Variants in MCPH1 observed in about 807,000 individuals in gnomAD.
MCPH1 encodes microcephalin.
In MCPH1, 104 loss-of-function variants were observed where a neutral mutation model predicts 84.5. The ratio of observed to expected loss-of-function variants is 1.23; its 90% CI spans 1.05 to 1.45. The LOEUF is 1.45. Ranked by LOEUF, MCPH1 falls within the 40% of genes most tolerant of loss-of-function variation. MCPH1 has a pLI of 0.00. For synonymous variants in MCPH1, 514 were observed against 366.8 expected (o/e 1.40, Z -4.58); for missense variants, 1,498 against 1,005.7 (o/e 1.49, Z -6.62).
At chr8:6,439,208 T>A in intron 6 of MCPH1, 112 bp downstream of exon 6, 1 of 1,090,006 alleles carries the variant, frequency 9.2e-7, no homozygotes, top group Admixed American at 2.4e-5. Flanking sequence ...AGTAACACAT[T>A]TTGACTTATT....
chr8:6,500,828 T>C (rs1265345523), intron 12 of MCPH1: 2 of 152,198 alleles, frequency 1.3e-5, no homozygotes, highest in African/African-American at 2.4e-5. Flanking sequence ...AGAGATTATA[T>C]ATGATGCACA....
chr8:6,505,339 A>AATATATAT (rs1168944488), intron 12 of MCPH1, among the ~76,000 whole-genome samples: 2 of 51,348 alleles, frequency 3.9e-5, no homozygotes, highest in East Asian at 8.6e-4. Flanking sequence ...ATATAGAAAG[A>AATATATAT]ATATATATAT....
chr8:6,462,092 A>T (rs1336894738), intron 9 of MCPH1, among the ~76,000 whole-genome samples: 2 of 152,250 alleles, frequency 1.3e-5, no homozygotes, highest in Admixed American at 1.3e-4. Flanking sequence ...AAATGTTTAC[A>T]GAGGCTTTCC....
chr8:6,441,099 C>A (rs972315856), intron 6 of MCPH1, among the ~76,000 whole-genome samples: 1 of 152,054 alleles, frequency 6.6e-6, no homozygotes, highest in African/African-American at 2.4e-5. Context: ...ATATGGCCAC[C>A]CCTTTTGCAA....
chr8:6,466,129 A>ATTTTTTTTTTTTTTTTTTTTTT lies in MCPH1; in HGVS notation c.1935+10879_1935+10900dup, dbSNP rs751729134. Among the ~76,000 whole-genome samples, 2 of 19,786 alleles carry ATTTTTTTTTTTTTTTTTTTTTT rather than the reference A, an allele frequency of 1.0e-4. 1 individual carries two copies. 13.0% of individuals were successfully genotyped at this position (19,786 alleles called of 152,430 possible). A position where few individuals can be genotyped will look rare whatever the true frequency, so the allele number is the denominator to read the frequency against. ...GCCACTACACCTGGCTAATTTTTGGATTTTTTTTTTTTTTTTTTTTTTTCC... is the reference window on the plus strand; with the variant it reads ...GCCACTACACCTGGCTAATTTTTGGATTTTTTTTTTTTTTTTTTTTTTTTTTTTTTTTTTTTTTTTTTTTTCC... On this transcript the variant is annotated intron_variant, in intron 9 of 13. Transcript: ENST00000344683.
At chr8:6,585,766 C>A (rs1003900273) in intron 12 of MCPH1, among the ~76,000 whole-genome samples, 3 of 152,178 alleles carry the variant, frequency 2.0e-5, no homozygotes, top group African/African-American at 7.2e-5. Flanking sequence ...GGCTGAGCAA[C>A]TTGGCCTGTA....
intron 13 of MCPH1, among the ~76,000 whole-genome samples, chr8:6,634,489 A>C (rs1451084185): frequency 2.1e-5 from 3 of 141,222 alleles, no homozygotes; most frequent in Non-Finnish European, 4.9e-5. Flanking sequence ...CAAGGACAGA[A>C]TGACTGTGCA....
At chr8:6,485,132 C>G (rs541404792) in intron 11 of MCPH1, among the ~76,000 whole-genome samples, 25 of 151,218 alleles carry the variant, frequency 1.7e-4, no homozygotes, top group Non-Finnish European at 2.7e-4. Context: ...CAAGACCAGC[C>G]TGGCCAAGAT....
chr8:6,614,261 G>T (rs930677728), intron 12 of MCPH1, among the ~76,000 whole-genome samples: 1 of 152,192 alleles, frequency 6.6e-6, no homozygotes, highest in Non-Finnish European at 1.5e-5. Flanking sequence ...AAGCTTGGCC[G>T]CTCGGACAGG....
chr8:6,625,771 A>G (rs1199845872), intron 13 of MCPH1: 1 of 982,030 alleles, frequency 1.0e-6, no homozygotes, highest in Non-Finnish European at 1.2e-6. Flanking sequence ...GCAACAGAGC[A>G]AGACCCCATC....
chr8:6,465,907 A>G (rs1442145177), intron 9 of MCPH1, among the ~76,000 whole-genome samples: 1 of 144,418 alleles, frequency 6.9e-6, no homozygotes, highest in Non-Finnish European at 1.5e-5. Flanking sequence ...ATTATTTCCT[A>G]CTCAATTTTA....
chr8:6,537,905 A>G (rs1202037350), intron 12 of MCPH1, among the ~76,000 whole-genome samples: 1 of 152,188 alleles, frequency 6.6e-6, no homozygotes, highest in African/African-American at 2.4e-5. Flanking sequence ...ATAAAATTCA[A>G]GGTCCTTAGA....
At chr8:6,530,482 C>G (rs1048680342) in intron 12 of MCPH1, among the ~76,000 whole-genome samples, 2 of 142,954 alleles carry the variant, frequency 1.4e-5, no homozygotes. Flanking sequence ...GCACTCCAAC[C>G]TGGGCAATGC....
intron 12 of MCPH1, among the ~76,000 whole-genome samples, chr8:6,576,727 TA>T (rs1827153510): frequency 9.2e-6 from 1 of 108,318 alleles, no homozygotes; most frequent in Non-Finnish European, 1.8e-5. Flanking sequence ...TTTTTTTTTT[TA>T]GTAGAGATGG....
chr8:6,604,735 C>T (rs1563177832), intron 12 of MCPH1, among the ~76,000 whole-genome samples: 1 of 152,236 alleles, frequency 6.6e-6, no homozygotes, highest in Admixed American at 6.5e-5. Flanking sequence ...GAATTCCTGA[C>T]CTCAGGGGAT....
chr8:6,583,437 A>G (rs191861425), intron 12 of MCPH1, among the ~76,000 whole-genome samples: 1 of 152,244 alleles, frequency 6.6e-6, no homozygotes, highest in Non-Finnish European at 1.5e-5. Flanking sequence ...AATGCAGAAT[A>G]AAACCGACAA....
At chr8:6,564,969 A>G in intron 12 of MCPH1, among the ~76,000 whole-genome samples, 1 of 152,178 alleles carries the variant, frequency 6.6e-6, no homozygotes, top group East Asian at 1.9e-4. Context: ...GAAGGATCTC[A>G]TTAGTAGAAG....
chr8:6,595,735 C>A (rs1828876329), intron 12 of MCPH1, among the ~76,000 whole-genome samples: 1 of 152,174 alleles, frequency 6.6e-6, no homozygotes, highest in South Asian at 2.1e-4. Flanking sequence ...AGTGCACTGT[C>A]CAACAAGGTC....
intron 12 of MCPH1, chr8:6,562,578 T>TTTTTTTTTTTTTTTTTTTTTTTTTA: frequency 4.5e-6 from 4 of 880,188 alleles, no homozygotes; most frequent in Non-Finnish European, 6.2e-6. Context: ...TTTTGGTTGT[T>TTTTTTTTTTTTTTTTTTTTTTTTTA]AAAACCTGAG....
Sources: allele counts gnomAD v4.1 joint callset (sites outside exome capture counted in the v4.1 genomes callset), GRCh38; gene constraint gnomAD v4.1.1; transcripts MANE v1.5; gene names NCBI Gene and HGNC (gene_info 2026-07-23, HGNC 2026-07-21).